Variants in FABP12 observed in about 807,000 individuals in gnomAD.
FABP12 encodes fatty acid binding protein 12, also known as fatty acid-binding protein 12.
FABP12 carries 19 observed loss-of-function variants against 13.7 expected under a neutral mutation model. The observed-to-expected ratio is 1.39, with a 90% CI of 0.97 to 2.04. FABP12 has a LOEUF of 2.04. Ranked by LOEUF, FABP12 falls within the 30% of genes most tolerant of loss-of-function variation. The pLI, the probability that FABP12 is intolerant of heterozygous loss-of-function variation, is 0.00. For missense variants in FABP12, 182 were observed against 164.2 expected (o/e 1.11, Z -0.59); for synonymous variants, 61 against 57.0 (o/e 1.07, Z -0.32).
chr8:81,569,860 G>A (rs527662530), intron 1 of FABP12, among the ~76,000 whole-genome samples: 1 of 152,176 alleles, frequency 6.6e-6, no homozygotes, highest in South Asian at 2.1e-4. Flanking sequence ...ACCTGTGGCC[G>A]GTGGTGCCTT....
At chr8:81,583,416 A>C (rs2556573) in intron 1 of FABP12, among the ~76,000 whole-genome samples, 95,378 of 151,906 alleles carry the variant, frequency 0.63, 32,222 homozygotes, top group Non-Finnish European at 0.75. Flanking sequence ...TGTTCATTTA[A>C]AAAGATAAAC....
chr8:81,527,186 G>T, intron 3 of FABP12, 65 bp from the exon 4 acceptor site: 1 of 913,872 alleles, frequency 1.1e-6, no homozygotes, highest in Non-Finnish European at 1.7e-6. Context: ...ATTTTATCAG[G>T]CAGCAAATTC....
At chr8:81,540,483 A>G (rs1317452339) in intron 1 of FABP12, among the ~76,000 whole-genome samples, 1 of 152,216 alleles carries the variant, frequency 6.6e-6, no homozygotes, top group Non-Finnish European at 1.5e-5. Context: ...AACACTCATA[A>G]CCCAAATTTA....
At chr8:81,527,341 G>A (rs560863406) in intron 3 of FABP12, among the ~76,000 whole-genome samples, 1 of 152,114 alleles carries the variant, frequency 6.6e-6, no homozygotes, top group Admixed American at 6.5e-5. Flanking sequence ...ATATTATCTT[G>A]AAGAATAAGT....
At chr8:81,558,887 CAAAAAAAAAAA>C (rs35682824) in intron 1 of FABP12, among the ~76,000 whole-genome samples, 1 of 67,532 alleles carries the variant, frequency 1.5e-5, no homozygotes, top group African/African-American at 5.2e-5. Context: ...AAGGCTCCAT[CAAAAAAAAAAA>C]AAAAAAAAAA....
At chr8:81,589,295 G>C (rs952708050) in intron 1 of FABP12, among the ~76,000 whole-genome samples, 1 of 152,174 alleles carries the variant, frequency 6.6e-6, no homozygotes, top group Non-Finnish European at 1.5e-5. Context: ...GGTCATTCAT[G>C]CCTATAATCT....
upstream of FABP12, among the ~76,000 whole-genome samples, chr8:81,535,099 C>T (rs1420534286): frequency 2.6e-5 from 4 of 152,200 alleles, no homozygotes; most frequent in Non-Finnish European, 4.4e-5. Flanking sequence ...AAAGATAACA[C>T]ATCAAGCACA....
intron 1 of FABP12, among the ~76,000 whole-genome samples, chr8:81,549,259 G>A (rs1159261718): frequency 4.0e-5 from 6 of 150,542 alleles, no homozygotes; most frequent in Admixed American, 2.7e-4. Context: ...ACACATGCAC[G>A]TACACACCCT....
chr8:81,570,321 G>A (rs376591285), intron 1 of FABP12, among the ~76,000 whole-genome samples: 4 of 152,312 alleles, frequency 2.6e-5, no homozygotes, highest in South Asian at 2.1e-4. Context: ...AGCCCCGTTT[G>A]TCTTATAGCA....
At chr8:81,578,487 CTTT>C (rs201920868) in intron 1 of FABP12, among the ~76,000 whole-genome samples, 3 of 136,608 alleles carry the variant, frequency 2.2e-5, no homozygotes, top group Non-Finnish European at 1.6e-5. Context: ...ATTTTCTTTT[CTTT>C]TTTTTTTTTT....
chr8:81,529,876 T>C (rs192832572), intron 2 of FABP12, among the ~76,000 whole-genome samples: 10 of 152,362 alleles, frequency 6.6e-5, no homozygotes, highest in African/African-American at 2.2e-4. Context: ...TAGTGAGTAT[T>C]CTTTTTCACT....
chr8:81,554,626 T>A (rs1809576265), intron 1 of FABP12, among the ~76,000 whole-genome samples: 1 of 152,144 alleles, frequency 6.6e-6, no homozygotes, highest in Non-Finnish European at 1.5e-5. Flanking sequence ...CAGTATAGCA[T>A]CTTTAGGCAT....
At chr8:81,559,184 C>T (rs1012639644) in intron 1 of FABP12, among the ~76,000 whole-genome samples, 6 of 152,216 alleles carry the variant, frequency 3.9e-5, no homozygotes, top group African/African-American at 1.2e-4. Flanking sequence ...CCTAACAGTT[C>T]TCTCCCTGAG....
At chr8:81,533,821 T>G (rs1338574454) in exon 1 of FABP12, among the ~76,000 whole-genome samples, 1 of 152,150 alleles carries the variant, frequency 6.6e-6, no homozygotes, top group Non-Finnish European at 1.5e-5. Flanking sequence ...TCTGGTCTTG[T>G]TTAGGCTTGA....
intron 1 of FABP12, among the ~76,000 whole-genome samples, chr8:81,532,016 G>A (rs1043142735): frequency 1.1e-4 from 17 of 151,908 alleles, no homozygotes; most frequent in African/African-American, 3.4e-4. Flanking sequence ...CTTCCCAACG[G>A]TTTAGAGAGC....
intron 3 of FABP12, 32 bp downstream of exon 3, chr8:81,529,405 GA>G: frequency 6.2e-7 from 1 of 1,605,570 alleles, no homozygotes. Context: ...ACATTCTTTT[GA>G]AATGTGTCTG....
chr8:81,550,668 A>C (rs1809510686), intron 1 of FABP12, among the ~76,000 whole-genome samples: 1 of 152,206 alleles, frequency 6.6e-6, no homozygotes, highest in African/African-American at 2.4e-5. Flanking sequence ...ACACAAATCA[A>C]TGTAAGCTCT....
chr8:81,573,824 A>G (rs568971782), intron 1 of FABP12, among the ~76,000 whole-genome samples: 1 of 152,206 alleles, frequency 6.6e-6, no homozygotes, highest in African/African-American at 2.4e-5. Flanking sequence ...AACTTTGCTG[A>G]ATTCTTTTAT....
intron 1 of FABP12, among the ~76,000 whole-genome samples, chr8:81,575,062 C>T (rs562877309): frequency 2.1e-4 from 32 of 152,020 alleles, no homozygotes; most frequent in Non-Finnish European, 4.6e-4. Context: ...AGTTTGTGCA[C>T]TTTCAGTCTT....
Sources: allele counts gnomAD v4.1 joint callset (sites outside exome capture counted in the v4.1 genomes callset), GRCh38; gene constraint gnomAD v4.1.1; transcripts MANE v1.5; gene names NCBI Gene and HGNC (gene_info 2026-07-23, HGNC 2026-07-21).